TANC2: variants seen among roughly 807,000 people sequenced by gnomAD.
The protein encoded by TANC2 is protein TANC2.
In TANC2, 26 loss-of-function variants were observed where a neutral mutation model predicts 210.5. That is an observed-to-expected ratio of 0.12 (90% CI 0.09 to 0.17). The LOEUF is 0.17. TANC2 is among the 10% of genes least tolerant of loss of function. The probability of loss-of-function intolerance (pLI) is 1.00; values close to 1 mark genes in which losing one functional copy is unlikely to be tolerated. For missense variants in TANC2, 2,129 were observed against 2,608.9 expected, an observed-to-expected ratio of 0.82 and a Z score of 4.01; for synonymous variants, 931 against 967.1, an observed-to-expected ratio of 0.96 and a Z score of 0.69.
chr17:62,980,218 C>T (rs1368931368), intron 1 of TANC2, among the ~76,000 whole-genome samples: 1 of 152,156 alleles, frequency 6.6e-6, no homozygotes, highest in Non-Finnish European at 1.5e-5. Context: ...TTAGTGGTGG[C>T]TCCTCCTATT....
In TANC2 at chr17:63,404,107, G is replaced by A. The variant is rs1567990003; in HGVS notation, c.3332-1015G>A. On this transcript the variant is annotated intron_variant, in intron 19 of 27. Coordinates refer to ENST00000689528, the Ensembl canonical transcript of TANC2. ...GCTGACTACTACATCAATTTTTTAA[G>A]TCAATTTGGAAAAAAAAATCTTTAT... Among the ~76,000 whole-genome samples the A allele has an allele frequency of 2.0e-5, 3 of 152,218 alleles. No individual in the cohort carries two copies. The East Asian group carries it at 5.8e-4, about 29-fold the overall frequency.
At position 63,037,972 on chromosome 17, in the gene TANC2, G is replaced by A. The variant is rs111384022; in HGVS notation, c.67+28346G>A. Among the ~76,000 whole-genome samples, 851 of 152,070 alleles carry A rather than the reference G, an allele frequency of 5.6e-3. 9 individuals are homozygous for A. Among genetic ancestry groups the A allele is most frequent in the African/African-American group, 0.019 (801 of 41,474 alleles). On this transcript the variant is annotated intron_variant, in intron 2 of 27. Coordinates refer to ENST00000689528, the Ensembl canonical transcript of TANC2. ...GGACAATAATGTCTTTTGATAATAG[G>A]GAGAGTTTTATTTGTTCCTTTCCAG... is the stretch of plus-strand genomic sequence containing the variant.
intron 3 of TANC2, among the ~76,000 whole-genome samples, chr17:63,078,916 G>A (rs1028244523): frequency 1.3e-5 from 2 of 152,168 alleles, no homozygotes; most frequent in African/African-American, 4.8e-5. Context: ...TTGATTGATA[G>A]TGTTATTTAA....
intron 2 of TANC2, among the ~76,000 whole-genome samples, chr17:63,055,991 ATATAT>A (rs1442856063): frequency 5.2e-4 from 5 of 9,604 alleles, no homozygotes; most frequent in African/African-American, 8.9e-4. Flanking sequence ...AAAAAAAAAA[ATATAT>A]ATATATATAT....
intron 11 of TANC2, among the ~76,000 whole-genome samples, chr17:63,337,925 C>T (rs766594169): frequency 4.6e-5 from 7 of 152,258 alleles, no homozygotes; most frequent in African/African-American, 7.2e-5. Context: ...CAGTTCCATC[C>T]GTGTTCCTGA....
intron 25 of TANC2, among the ~76,000 whole-genome samples, chr17:63,414,909 C>T (rs2048813407): frequency 6.6e-6 from 1 of 152,226 alleles, no homozygotes; most frequent in Admixed American, 6.5e-5. Context: ...CCTCCTGCAA[C>T]ATCAGATGGA....
intron 2 of TANC2, among the ~76,000 whole-genome samples, chr17:63,053,769 T>C (rs1388361209): frequency 6.6e-6 from 1 of 152,220 alleles, no homozygotes; most frequent in African/African-American, 2.4e-5. Flanking sequence ...CTTTCCTGTC[T>C]TAGTAAGTTG....
intron 12 of TANC2, among the ~76,000 whole-genome samples, chr17:63,351,025 A>G (rs536669838): frequency 5.9e-5 from 9 of 152,148 alleles, no homozygotes; most frequent in South Asian, 4.1e-4. Flanking sequence ...GATGATATAT[A>G]TACTCATATG....
At chr17:62,986,908 A>G (rs73991862) in intron 1 of TANC2, among the ~76,000 whole-genome samples, 1,911 of 152,146 alleles carry the variant, frequency 0.013, 41 homozygotes, top group African/African-American at 0.044. Flanking sequence ...GATCATGTCT[A>G]CCAGGAGTGT....
At chr17:63,145,937 A>T (rs1376404378) in intron 4 of TANC2, among the ~76,000 whole-genome samples, 1 of 152,118 alleles carries the variant, frequency 6.6e-6, no homozygotes, top group East Asian at 1.9e-4. Context: ...GGGGAAAAAA[A>T]AAGTCATTGA....
chr17:63,103,235 C>G (rs1197352424), intron 4 of TANC2, among the ~76,000 whole-genome samples: 2 of 152,110 alleles, frequency 1.3e-5, no homozygotes, highest in Admixed American at 6.5e-5. Context: ...TACTCTGTAA[C>G]CTTTATACTC....
At position 63,071,312 on chromosome 17, in the gene TANC2, A is replaced by G. The variant is rs564834735; in HGVS notation, c.68-2631A>G. The stretch of plus-strand genomic sequence containing the variant: ...TAGAATTTTTTTTTTTAAAGAGTCA[A>G]GGTCTCCCCTTGTCACCTAATTGGA... On this transcript the variant is annotated intron_variant, in intron 2 of 27. Transcript: ENST00000689528. Among the ~76,000 whole-genome samples the G allele has an allele frequency of 7.8e-4, 119 of 152,158 alleles. 2 individuals carry two copies. Among genetic ancestry groups the G allele is most frequent in the African/African-American group, 2.7e-3 (112 of 41,520 alleles).
At chr17:63,057,668 G>T (rs2035854178) in intron 2 of TANC2, among the ~76,000 whole-genome samples, 1 of 152,134 alleles carries the variant, frequency 6.6e-6, no homozygotes, top group South Asian at 2.1e-4. Flanking sequence ...CCACTTATGA[G>T]TGAGAATGTG....
At chr17:63,267,863 G>C in exon 9 of TANC2, 1 of 1,610,872 alleles carries the variant, frequency 6.2e-7, no homozygotes. Flanking sequence ...GCACACAGCA[G>C]GATTTAAGAG....
chr17:63,279,791 AT>A (rs959477049), intron 9 of TANC2, among the ~76,000 whole-genome samples: 4 of 152,040 alleles, frequency 2.6e-5, no homozygotes, highest in Admixed American at 2.6e-4. Flanking sequence ...CCCCCCACCC[AT>A]TTTTAACTTT....
At chr17:63,159,266 C>T (rs572745002) in intron 5 of TANC2, among the ~76,000 whole-genome samples, 22 of 152,268 alleles carry the variant, frequency 1.4e-4, no homozygotes, top group African/African-American at 5.3e-4. Context: ...AAGTTATGAT[C>T]TTAGTTCTCT....
At chr17:63,413,802 C>T (rs1008243058) in intron 25 of TANC2, among the ~76,000 whole-genome samples, 168 bp downstream of exon 25, 2 of 152,124 alleles carry the variant, frequency 1.3e-5, no homozygotes, top group African/African-American at 4.8e-5. Context: ...TCTGCCTTAC[C>T]AAGAGAGCAA....
chr17:63,014,197 A>G (rs760834076), intron 2 of TANC2, among the ~76,000 whole-genome samples: 15 of 151,682 alleles, frequency 9.9e-5, no homozygotes, highest in Admixed American at 4.6e-4. Flanking sequence ...CAAAATTTCT[A>G]TTTGATTCGT....
chr17:63,370,404 T>C (rs1020517815), intron 14 of TANC2, among the ~76,000 whole-genome samples: 1 of 151,950 alleles, frequency 6.6e-6, no homozygotes, highest in Non-Finnish European at 1.5e-5. Flanking sequence ...GGTTTCGATC[T>C]CCTGACCTCG....
Sources: gnomAD v4.1 joint callset for allele counts (sites outside exome capture counted in the v4.1 genomes callset) on GRCh38, gnomAD v4.1.1 for gene constraint, MANE v1.5 for transcripts, NCBI Gene and HGNC (gene_info 2026-07-23, HGNC 2026-07-21) for gene names.